ST3GAL3: variants seen among roughly 807,000 people sequenced by gnomAD.
The protein encoded by ST3GAL3 is CMP-N-acetylneuraminate-beta-1,4-galactoside alpha-2,3-sialyltransferase.
A neutral mutation model predicts 50.1 loss-of-function variants in ST3GAL3; 21 were observed. The ratio of observed to expected loss-of-function variants is 0.42; its 90% CI spans 0.30 to 0.60. The LOEUF (loss-of-function observed/expected upper bound fraction) is 0.60. Ranked by LOEUF, ST3GAL3 falls within the 20% of genes least tolerant of loss-of-function variation. ST3GAL3 has a pLI of 0.19. For synonymous variants in ST3GAL3, 183 were observed against 190.0 expected (o/e 0.96, Z 0.30); for missense variants, 353 against 489.4 (o/e 0.72, Z 2.63).
At chr1:43,761,672 C>T (rs1312500909) in intron 2 of ST3GAL3, among the ~76,000 whole-genome samples, 2 of 151,610 alleles carry the variant, frequency 1.3e-5, no homozygotes, top group African/African-American at 4.8e-5. Flanking sequence ...CAGGCTGGGC[C>T]GGGCGCGGTG....
intron 6 of ST3GAL3, among the ~76,000 whole-genome samples, chr1:43,896,046 TA>T (rs1459859036): frequency 6.6e-6 from 1 of 152,222 alleles, no homozygotes; most frequent in Non-Finnish European, 1.5e-5. Context: ...TTGCCTTTCC[TA>T]AAGCCCACCG....
At chr1:43,848,297 T>A in intron 5 of ST3GAL3, among the ~76,000 whole-genome samples, 1 of 142,196 alleles carries the variant, frequency 7.0e-6, no homozygotes, top group Non-Finnish European at 1.5e-5. Context: ...TGGTTTTCTT[T>A]TTTTTTTTTT....
At chr1:43,801,180 A>G (rs2059273424) in intron 3 of ST3GAL3, 2 of 410,608 alleles carry the variant, frequency 4.9e-6, no homozygotes, top group East Asian at 7.2e-5. Flanking sequence ...TAAAATACCA[A>G]ACTTTATATA....
intron 1 of ST3GAL3, among the ~76,000 whole-genome samples, chr1:43,719,293 G>T (rs890728729): frequency 6.6e-6 from 1 of 152,204 alleles, no homozygotes; most frequent in African/African-American, 2.4e-5. Flanking sequence ...CTTCAGGGGA[G>T]TGTAGATCAA....
At chr1:43,917,493 TATATAATATATTATATA>T (rs2082073904) in intron 9 of ST3GAL3, among the ~76,000 whole-genome samples, 2 of 31,730 alleles carry the variant, frequency 6.3e-5, no homozygotes, top group Non-Finnish European at 1.8e-4. Flanking sequence ...ATATATAATA[TATATAATATATTATATA>T]ATATAATATA....
chr1:43,773,076 CTATT>C (rs1303831793), intron 2 of ST3GAL3, among the ~76,000 whole-genome samples: 2 of 152,128 alleles, frequency 1.3e-5, no homozygotes, highest in South Asian at 2.1e-4. Context: ...AAAAATCACT[CTATT>C]TATGAATTTC....
chr1:43,764,722 C>T (rs1349411290), intron 2 of ST3GAL3, among the ~76,000 whole-genome samples: 1 of 152,234 alleles, frequency 6.6e-6, no homozygotes, highest in Non-Finnish European at 1.5e-5. Context: ...TTTACAGCTC[C>T]TCCTGACCCG....
intron 4 of ST3GAL3, among the ~76,000 whole-genome samples, chr1:43,833,613 C>T (rs2063834251): frequency 6.6e-6 from 1 of 152,098 alleles, no homozygotes; most frequent in Non-Finnish European, 1.5e-5. Context: ...AAAAGACATG[C>T]CCCAAATCAC....
intron 1 of ST3GAL3, among the ~76,000 whole-genome samples, chr1:43,708,836 C>T (rs549042296): frequency 3.9e-5 from 6 of 152,264 alleles, no homozygotes; most frequent in African/African-American, 1.4e-4. Context: ...GACTAACAGA[C>T]TTTGTATCAA....
chr1:43,852,530 G>T (rs1009132001), intron 5 of ST3GAL3, among the ~76,000 whole-genome samples: 2 of 152,222 alleles, frequency 1.3e-5, no homozygotes, highest in Non-Finnish European at 2.9e-5. Flanking sequence ...ATTCATGGCT[G>T]CCAACACCTA....
At chr1:43,800,084 G>T (rs548657866) in intron 3 of ST3GAL3, among the ~76,000 whole-genome samples, 1 of 152,186 alleles carries the variant, frequency 6.6e-6, no homozygotes, top group African/African-American at 2.4e-5. Context: ...CCCCCAGTAT[G>T]CCACGTTGGA....
At chr1:43,764,220 G>C (rs1691664106) in intron 2 of ST3GAL3, among the ~76,000 whole-genome samples, 1 of 152,098 alleles carries the variant, frequency 6.6e-6, no homozygotes, top group Non-Finnish European at 1.5e-5. Context: ...GACAATTTCA[G>C]AGCTCCTTTT....
chr1:43,928,959 C>T (rs1183473246), intron 11 of ST3GAL3, among the ~76,000 whole-genome samples: 1 of 152,124 alleles, frequency 6.6e-6, no homozygotes, highest in East Asian at 1.9e-4. Context: ...AAGCTCAATG[C>T]TGACAAACGC....
chr1:43,894,362 A>G (rs1325028275), intron 5 of ST3GAL3, 21 bp from the exon 6 acceptor site: 2 of 1,612,560 alleles, frequency 1.2e-6, no homozygotes, highest in South Asian at 2.2e-5. Flanking sequence ...TGTGATCCTC[A>G]GCAGTCCTGT....
At chr1:43,713,085 A>G (rs938530628) in intron 1 of ST3GAL3, among the ~76,000 whole-genome samples, 2 of 152,236 alleles carry the variant, frequency 1.3e-5, no homozygotes, top group Non-Finnish European at 2.9e-5. Context: ...CATGCCTACT[A>G]CACAAGAGTC....
rs1189502105 is a variant in ST3GAL3, at chr1:43,717,894, CGGAGTTTCACT to C, written c.-31+10202_-31+10212del. On this transcript the variant is annotated intron_variant, in intron 1 of 11. Transcript: ENST00000347631. ...GAATTTTTTTTTTTTTTAAATGAGA[CGGAGTTTCACT>C]CTTGTTGCCCAGGCTAGAGTGCAAT... is the stretch of plus-strand genomic sequence containing the variant. Among the ~76,000 whole-genome samples the C allele has an allele frequency of 7.3e-5, 11 of 150,700 alleles. No homozygotes were observed. In the East Asian group the frequency reaches 1.8e-3, roughly 24 times the overall value.
intron 6 of ST3GAL3, among the ~76,000 whole-genome samples, chr1:43,897,483 C>G (rs536204826): frequency 6.6e-6 from 1 of 152,306 alleles, no homozygotes; most frequent in South Asian, 2.1e-4. Context: ...ATTCACTATA[C>G]ATCATATTAT....
chr1:43,899,362 T>C lies in ST3GAL3; in HGVS notation c.557+99T>C. 6.2e-7 allele frequency: 1 copy of C among 1,604,830 alleles called. No individual in the cohort carries two copies. Among genetic ancestry groups the C allele is most frequent in the Non-Finnish European group, 8.5e-7 (1 of 1,175,514 alleles). ...TCTGTCTGGCTAGTTGGGCTGGAGG[T>C]CAACGGAAGCCTCAAGAACTCTGGG... On this transcript the variant is annotated intron_variant, in intron 8 of 11. Transcript: ENST00000347631. This position sits in a 1 kb window ranked among gnomAD's most constrained non-coding sequence, Gnocchi z 5.4.
intron 5 of ST3GAL3, among the ~76,000 whole-genome samples, chr1:43,888,245 T>G (rs1244345425): frequency 6.6e-6 from 1 of 152,134 alleles, no homozygotes; most frequent in African/African-American, 2.4e-5. Context: ...TAAAAAAGTA[T>G]GGATGAATTT....
Sources: gnomAD v4.1 joint callset for allele counts (sites outside exome capture counted in the v4.1 genomes callset) on GRCh38, gnomAD v4.1.1 for gene constraint, Gnocchi (gnomAD v3.1) non-coding constraint, MANE v1.5 for transcripts, NCBI Gene and HGNC (gene_info 2026-07-23, HGNC 2026-07-21) for gene names.